The following HAS2 variants were observed in gnomAD, a reference collection of about 807,000 sequenced individuals.
HAS2 encodes hyaluronan synthase 2.
A neutral mutation model predicts 51.6 loss-of-function variants in HAS2; 16 were observed. The observed-to-expected ratio is 0.31, with a 90% CI of 0.21 to 0.47. HAS2 has a LOEUF of 0.47. Ranked by LOEUF, HAS2 falls within the 20% of genes least tolerant of loss-of-function variation. HAS2 has a pLI of 1.00. For missense variants in HAS2, 361 were observed against 662.6 expected, an observed-to-expected ratio of 0.54 and a Z score of 5.00; for synonymous variants, 228 against 235.5, an observed-to-expected ratio of 0.97 and a Z score of 0.29.
intron 2 of HAS2, 57 bp from the exon 3 acceptor site, chr8:121,617,263 C>T (rs1008571513): frequency 9.7e-7 from 1 of 1,032,392 alleles, no homozygotes; most frequent in Non-Finnish European, 1.5e-6. Context: ...TAAATACATT[C>T]CCTGTAGTCA....
intron 2 of HAS2, among the ~76,000 whole-genome samples, chr8:121,618,818 T>C (rs1414352736): frequency 6.6e-6 from 1 of 152,132 alleles, no homozygotes; most frequent in East Asian, 1.9e-4. Context: ...TTGGACTGAA[T>C]CAAGATTTAG....
chr8:121,626,738 ATATCAGGGGATT>A (rs1262954238), intron 2 of HAS2, among the ~76,000 whole-genome samples: 4 of 152,188 alleles, frequency 2.6e-5, no homozygotes, highest in Non-Finnish European at 5.9e-5. Flanking sequence ...ACATGGTTAA[ATATCAGGGGATT>A]TACTGAGGGA....
rs1812715143 is a variant in HAS2, at chr8:121,617,215, A to C, written c.628-9T>G. On this transcript the variant is annotated splice_polypyrimidine_tract_variant and intron_variant, in intron 2 of 3. Coordinates refer to ENST00000303924, the MANE Select transcript of HAS2 (RefSeq NM_005328.3). ...GTGTCTGAATCACAAACCTGCAAAG[A>C]AGCAAATGAAAAATGAGTTAAAGAA... 6.5e-7 allele frequency: 1 copy of C among 1,526,868 alleles called. No individual in the cohort carries two copies. The highest frequency in any genetic ancestry group is 9.0e-7 in the Non-Finnish European group (1 of 1,109,752). 94.6% of individuals were successfully genotyped at this position (1,526,868 alleles called of 1,614,324 possible). A position where few individuals can be genotyped will look rare whatever the true frequency, so the allele number is the denominator to read the frequency against.
In HAS2 at chr8:121,629,083, G is replaced by T. The variant is rs759421607; in HGVS notation, c.258C>A (p.Ala86=). Residue 86 remains alanine (A), a synonymous_variant, in exon 2 of 4, where the codon GCC becomes GCA. Transcript: ENST00000303924. ...ETPIKLNKTV[A]LCIAAYQEDP... Reference sequence around the variant, plus strand: ...CTTCTTGATAGGCAGCGATGCAAAGGGCAACTGTTTTGTTCAACTTTATGG... The same window carrying T: ...CTTCTTGATAGGCAGCGATGCAAAGTGCAACTGTTTTGTTCAACTTTATGG... 6.2e-7 allele frequency: 1 copy of T among 1,614,058 alleles called. No homozygotes were observed. The highest frequency in any genetic ancestry group is 8.5e-7 in the Non-Finnish European group (1 of 1,179,976).
At chr8:121,632,080 C>T (rs147301924) in intron 1 of HAS2, among the ~76,000 whole-genome samples, 3 of 152,290 alleles carry the variant, frequency 2.0e-5, no homozygotes, top group Non-Finnish European at 4.4e-5. Flanking sequence ...ACCACAGCAA[C>T]GTGGCTAGAA....
At position 121,629,047 on chromosome 8, in the gene HAS2, G is replaced by A. The variant is rs1563622861; in HGVS notation, c.294C>T (p.Tyr98=). The change falls in exon 2 of 4, where the codon TAC becomes TAT. Residue 98 remains tyrosine (Y), a synonymous_variant. Transcript: ENST00000303924. ...TCACAGATTGCAAACATTTCCTTAA[G>A]TAGTCTGGATCTTCTTGATAGGCAG... ...CIAAYQEDPD[Y]LRKCLQSVKR... 1.2e-6 allele frequency: 2 copies of A among 1,614,030 alleles called. No individual in the cohort carries two copies. The highest frequency in any genetic ancestry group is 1.7e-6 in the Non-Finnish European group (2 of 1,179,950).
rs564367722 is a variant in HAS2, at chr8:121,635,989, G to T, written c.-1+4864C>A. Among the ~76,000 whole-genome samples the T allele has an allele frequency of 2.9e-4, 44 of 152,306 alleles. No homozygotes were observed. In the South Asian group the frequency reaches 8.9e-3, roughly 31 times the overall value. ...GTGGTAGCTATCTGCTGGCTGAGTGGATTAGGAAGGTATGGTGAACAAAAG... is the reference window on the plus strand; with the variant it reads ...GTGGTAGCTATCTGCTGGCTGAGTGTATTAGGAAGGTATGGTGAACAAAAG... On this transcript the variant is annotated intron_variant, in intron 1 of 3. Transcript: ENST00000303924.
At chr8:121,635,019 ATATTT>A (rs1478943805) in intron 1 of HAS2, among the ~76,000 whole-genome samples, 2 of 152,132 alleles carry the variant, frequency 1.3e-5, no homozygotes, top group African/African-American at 2.4e-5. Context: ...ATGCTGCTTT[ATATTT>A]TGGCTCCAGT....
At chr8:121,628,276 G>A (rs1431274344) in intron 2 of HAS2, among the ~76,000 whole-genome samples, 1 of 151,154 alleles carries the variant, frequency 6.6e-6, no homozygotes, top group African/African-American at 2.4e-5. Context: ...CAGTCTCTGT[G>A]AAAAACATTT....
Position 121,629,323 on chromosome 8 carries a change from A to G in HAS2, c.18T>C (p.Phe6=). 1 of 1,609,856 alleles carries G rather than the reference A, an allele frequency of 6.2e-7. No homozygotes were observed. Among genetic ancestry groups the G allele is most frequent in the South Asian group, 1.1e-5 (1 of 90,516 alleles). Residue 6 remains phenylalanine (F), a synonymous_variant, in exon 2 of 4, where the codon TTT becomes TTC. Transcript: ENST00000303924. ...TTCCAATTATTCTCAGGATACATAG[A>G]AACCTCTCACAATGCATCTGTAATA... MHCER[F]LCILRIIGTT...
At position 121,613,203 on chromosome 8, in the gene HAS2, A is replaced by G. The variant is rs1310863073; in HGVS notation, c.*906T>C. On this transcript the variant is annotated 3_prime_UTR_variant, in exon 4 of 4. Coordinates refer to ENST00000303924, the MANE Select transcript of HAS2 (RefSeq NM_005328.3). ...CAAAGACTATCATTCCCTTTTTTTT[A>G]AATCTTAATGAAAAAATTGCACTAC... The G allele has an allele frequency of 6.6e-6, 1 of 151,976 alleles. No individual in the cohort carries two copies. Among genetic ancestry groups the G allele is most frequent in the Non-Finnish European group, 1.5e-5 (1 of 67,958 alleles). 9.4% of individuals were successfully genotyped at this position (151,976 alleles called of 1,614,324 possible).
Position 121,613,984 on chromosome 8 carries a change from C to CAAG in HAS2, c.*124_*125insCTT. 2.1e-6 allele frequency: 3 copies of CAAG among 1,452,564 alleles called. No individual in the cohort carries two copies. Among genetic ancestry groups the CAAG allele is most frequent in the Non-Finnish European group, 2.8e-6 (3 of 1,056,264 alleles). 90.0% of individuals were successfully genotyped at this position (1,452,564 alleles called of 1,614,324 possible). A position where few individuals can be genotyped will look rare whatever the true frequency, so the allele number is the denominator to read the frequency against. On this transcript the variant is annotated 3_prime_UTR_variant, in exon 4 of 4. Coordinates refer to ENST00000303924, the MANE Select transcript of HAS2 (RefSeq NM_005328.3). Reference sequence around the variant, plus strand: ...AATGAAAATAAACCCATATAAATGTCTTTGTTCAAGTCCCAGCAGCAGTGA... The same window carrying CAAG: ...AATGAAAATAAACCCATATAAATGTCAAGTTTGTTCAAGTCCCAGCAGCAGTGA...
chr8:121,627,468 A>C (rs2130444011), intron 2 of HAS2, among the ~76,000 whole-genome samples: 1 of 152,320 alleles, frequency 6.6e-6, no homozygotes, highest in South Asian at 2.1e-4. Flanking sequence ...GAAATTAGTC[A>C]TATGGTGGCA....
intron 1 of HAS2, among the ~76,000 whole-genome samples, chr8:121,630,469 G>T (rs2130447085): frequency 6.6e-6 from 1 of 152,238 alleles, no homozygotes; most frequent in African/African-American, 2.4e-5. Context: ...CATTAAAGTG[G>T]TGGTTGGCAA....
intron 2 of HAS2, among the ~76,000 whole-genome samples, chr8:121,622,487 T>C (rs1812786593): frequency 6.6e-6 from 1 of 152,090 alleles, no homozygotes; most frequent in South Asian, 2.1e-4. Flanking sequence ...TTTGTTGTAA[T>C]TAACTAGTGT....
chr8:121,614,080 T>A lies in HAS2; in HGVS notation c.*29A>T, dbSNP rs1812670541. ...CCCCTAGAGGAACTAAGGTGTTGTG[T>A]GTGACTGCAAACGTCAAAACATGGA... is the stretch of plus-strand genomic sequence containing the variant. On this transcript the variant is annotated 3_prime_UTR_variant, in exon 4 of 4. Transcript: ENST00000303924. This position sits in a 1 kb window ranked among gnomAD's most constrained non-coding sequence, Gnocchi z 7.2. The A allele has an allele frequency of 1.9e-6, 3 of 1,613,722 alleles. No individual in the cohort carries two copies. Among genetic ancestry groups the A allele is most frequent in the Non-Finnish European group, 1.7e-6 (2 of 1,179,936 alleles).
Position 121,613,987 on chromosome 8 carries a change from T to C in HAS2, c.*122A>G. The C allele has an allele frequency of 6.8e-7, 1 of 1,479,402 alleles. No homozygotes were observed. Among genetic ancestry groups the C allele is most frequent in the Non-Finnish European group, 9.3e-7 (1 of 1,078,564 alleles). The allele number at this position is 1,479,402 out of a possible 1,614,324, so 91.6% of individuals were successfully genotyped here. ...GAAAATAAACCCATATAAATGTCTT[T>C]GTTCAAGTCCCAGCAGCAGTGATAT... On this transcript the variant is annotated 3_prime_UTR_variant, in exon 4 of 4. Coordinates refer to ENST00000303924, the MANE Select transcript of HAS2 (RefSeq NM_005328.3).
chr8:121,633,767 G>A (rs377282738), intron 1 of HAS2, among the ~76,000 whole-genome samples: 33 of 152,278 alleles, frequency 2.2e-4, no homozygotes, highest in Middle Eastern at 3.4e-3. Flanking sequence ...ACTGGACCTC[G>A]AAGCCATTTC....
At chr8:121,629,663 C>G (rs1211049770) in intron 1 of HAS2, among the ~76,000 whole-genome samples, 1 of 152,096 alleles carries the variant, frequency 6.6e-6, no homozygotes, top group East Asian at 1.9e-4. Flanking sequence ...TAAGGCTGTA[C>G]TCTATATATA....
Sources: allele counts gnomAD v4.1 joint callset (sites outside exome capture counted in the v4.1 genomes callset), GRCh38; gene constraint gnomAD v4.1.1; non-coding constraint Gnocchi (gnomAD v3.1); transcripts MANE v1.5; gene names NCBI Gene and HGNC (gene_info 2026-07-23, HGNC 2026-07-21).